The following ZNF346 variants were observed in gnomAD, a reference collection of about 807,000 sequenced individuals.
The protein encoded by ZNF346 is double-stranded RNA-binding zinc finger protein JAZ.
In ZNF346, 23 loss-of-function variants were observed where a neutral mutation model predicts 33.7. The observed-to-expected ratio is 0.68, with a 90% CI of 0.49 to 0.97. The LOEUF is 0.97. ZNF346 is among the 50% of genes least tolerant of loss of function. The pLI, the probability that ZNF346 is intolerant of heterozygous loss-of-function variation, is 0.00. For missense variants in ZNF346, 340 were observed against 371.1 expected, an observed-to-expected ratio of 0.92 and a Z score of 0.69; for synonymous variants, 134 against 142.4, an observed-to-expected ratio of 0.94 and a Z score of 0.42.
intron 5 of ZNF346, among the ~76,000 whole-genome samples, chr5:177,061,794 A>G (rs1187020826): frequency 6.6e-6 from 1 of 152,178 alleles, no homozygotes; most frequent in Non-Finnish European, 1.5e-5. Flanking sequence ...TCATTCTTTT[A>G]TCACTCAGCA....
intron 1 of ZNF346, 176 bp downstream of exon 1, chr5:177,023,089 G>A (rs532567505): frequency 2.1e-6 from 3 of 1,446,314 alleles, no homozygotes; most frequent in Admixed American, 4.0e-5. Context: ...GGCCCCCAGC[G>A]CGCTGAGGGT....
At chr5:177,027,449 G>A (rs1250154318) in intron 1 of ZNF346, among the ~76,000 whole-genome samples, 4 of 151,656 alleles carry the variant, frequency 2.6e-5, no homozygotes, top group African/African-American at 9.7e-5. Context: ...AGCCAGGTGT[G>A]GTGGCTCACA....
chr5:177,044,671 C>A, intron 4 of ZNF346, 138 bp downstream of exon 4: 2 of 841,218 alleles, frequency 2.4e-6, no homozygotes, highest in Non-Finnish European at 3.7e-6. Flanking sequence ...TAAAAATCTC[C>A]AAGTAGACCC....
At chr5:177,058,675 T>C (rs951118401) in intron 5 of ZNF346, among the ~76,000 whole-genome samples, 5 of 152,182 alleles carry the variant, frequency 3.3e-5, no homozygotes, top group African/African-American at 1.2e-4. Flanking sequence ...TGTTAATAAA[T>C]GTTGATATCA....
At chr5:177,023,697 T>TC (rs1456252924) in intron 1 of ZNF346, among the ~76,000 whole-genome samples, 2 of 152,196 alleles carry the variant, frequency 1.3e-5, no homozygotes, top group East Asian at 3.8e-4. Context: ...CCCTTCACTG[T>TC]CCTTTACAGA....
At chr5:177,071,764 C>T (rs1052672159), downstream of ZNF346, among the ~76,000 whole-genome samples, 1 of 152,018 alleles carries the variant, frequency 6.6e-6, no homozygotes, top group Non-Finnish European at 1.5e-5. Context: ...TCCCCACCCC[C>T]AAACCAGATG....
chr5:177,024,157 T>TACAC (rs144403449), intron 1 of ZNF346, among the ~76,000 whole-genome samples: 5,963 of 121,288 alleles, frequency 0.049, 172 homozygotes, highest in Non-Finnish European at 0.058. Context: ...ATTTTATGTA[T>TACAC]ACACACACAC....
chr5:177,038,995 G>A (rs532402083), intron 1 of ZNF346, among the ~76,000 whole-genome samples: 9 of 151,700 alleles, frequency 5.9e-5, no homozygotes, highest in Non-Finnish European at 1.2e-4. Context: ...AGGTTCAAGT[G>A]ATTGTCCTGC....
chr5:177,033,769 C>CA (rs1226381865), intron 1 of ZNF346, among the ~76,000 whole-genome samples: 2 of 152,096 alleles, frequency 1.3e-5, no homozygotes, highest in Admixed American at 6.5e-5. Context: ...GTGATCCACC[C>CA]ACCTCGACCT....
At chr5:177,063,971 A>G (rs1782877066) in intron 6 of ZNF346, among the ~76,000 whole-genome samples, 1 of 152,178 alleles carries the variant, frequency 6.6e-6, no homozygotes, top group African/African-American at 2.4e-5. Flanking sequence ...AGTCTCATTA[A>G]ATTTCTCAAC....
chr5:177,050,630 C>G (rs1318833239), intron 4 of ZNF346, 121 bp from the exon 5 acceptor site: 2 of 1,043,310 alleles, frequency 1.9e-6, no homozygotes, highest in Non-Finnish European at 2.9e-6. Flanking sequence ...ACAGCCCTTT[C>G]TATTCAGCAT....
At chr5:177,036,464 G>T (rs762412221) in intron 1 of ZNF346, among the ~76,000 whole-genome samples, 3 of 152,176 alleles carry the variant, frequency 2.0e-5, no homozygotes, top group Non-Finnish European at 2.9e-5. Flanking sequence ...GGATCTGTGT[G>T]TTGGTAGGGA....
At chr5:177,046,932 C>A (rs1780117275) in intron 4 of ZNF346, among the ~76,000 whole-genome samples, 1 of 151,426 alleles carries the variant, frequency 6.6e-6, no homozygotes, top group Non-Finnish European at 1.5e-5. Flanking sequence ...AAATCCTACA[C>A]CAAGAGAGAA....
At chr5:177,028,906 A>G (rs1009578017) in intron 1 of ZNF346, among the ~76,000 whole-genome samples, 3 of 151,312 alleles carry the variant, frequency 2.0e-5, no homozygotes, top group African/African-American at 7.3e-5. Context: ...TTTTTAGTAG[A>G]GACGGGGTTT....
At chr5:177,057,915 G>A (rs930254423) in intron 5 of ZNF346, among the ~76,000 whole-genome samples, 1 of 151,094 alleles carries the variant, frequency 6.6e-6, no homozygotes, top group Non-Finnish European at 1.5e-5. Flanking sequence ...TCCACCTCCT[G>A]GGTTCAAGCA....
chr5:177,028,288 C>T (rs1431232903), intron 1 of ZNF346, among the ~76,000 whole-genome samples: 4 of 149,872 alleles, frequency 2.7e-5, no homozygotes, highest in South Asian at 2.1e-4. Context: ...GTGATCTGTC[C>T]GCCTCTGCTT....
At chr5:177,076,313 A>G (rs1783742676) in intron 8 of ZNF346, among the ~76,000 whole-genome samples, 1 of 152,244 alleles carries the variant, frequency 6.6e-6, no homozygotes, top group Non-Finnish European at 1.5e-5. Context: ...TCTTCTACCA[A>G]TGACAAAGAT....
intron 1 of ZNF346, among the ~76,000 whole-genome samples, chr5:177,029,352 C>A (rs890217171): frequency 6.6e-6 from 1 of 152,192 alleles, no homozygotes; most frequent in Admixed American, 6.5e-5. Context: ...GATAGACGCT[C>A]CTACACATTA....
intron 2 of ZNF346, 113 bp from the exon 3 acceptor site, chr5:177,041,665 C>A: frequency 1.4e-6 from 1 of 693,258 alleles, no homozygotes; most frequent in South Asian, 1.8e-5. Context: ...CTCACCTCCT[C>A]CTCAAAACTT....
Sources: gnomAD v4.1 joint callset for allele counts (sites outside exome capture counted in the v4.1 genomes callset) on GRCh38, gnomAD v4.1.1 for gene constraint, MANE v1.5 for transcripts, NCBI Gene and HGNC (gene_info 2026-07-23, HGNC 2026-07-21) for gene names.